Variants in ABR observed in about 807,000 individuals in gnomAD.
ABR encodes the protein ABR activator of RhoGEF and GTPase.
A neutral mutation model predicts 107.2 loss-of-function variants in ABR; 35 were observed. The observed-to-expected ratio is 0.33, with a 90% CI of 0.25 to 0.43. The LOEUF is 0.43. Among genes scored for constraint, ABR ranks in the 20% least tolerant of loss-of-function variants. The pLI is 1.00. For missense variants in ABR, 815 were observed against 1,115.2 expected (o/e 0.73, Z 3.83); for synonymous variants, 498 against 462.0 (o/e 1.08, Z -1.00).
chr17:1,176,869 C>CAAAAAAAAA, intron 1 of ABR, among the ~76,000 whole-genome samples: 1 of 139,190 alleles, frequency 7.2e-6, no homozygotes, highest in Admixed American at 7.1e-5. Flanking sequence ...AAACAAAAAA[C>CAAAAAAAAA]AAAAAAAAAA....
intron 14 of ABR, among the ~76,000 whole-genome samples, chr17:1,054,612 AGG>A (rs1353524721): frequency 7.0e-5 from 2 of 28,448 alleles, no homozygotes; most frequent in East Asian, 3.2e-3. Flanking sequence ...TGGGGGCACA[AGG>A]AACCTCAGGG....
At chr17:1,146,270 C>CACACACACAT in intron 1 of ABR, among the ~76,000 whole-genome samples, 1 of 143,692 alleles carries the variant, frequency 7.0e-6, no homozygotes, top group Non-Finnish European at 1.5e-5. Context: ...GACACACACA[C>CACACACACAT]ACACACACAC....
intron 2 of ABR, among the ~76,000 whole-genome samples, chr17:1,102,252 A>C (rs1037838735): frequency 6.6e-6 from 1 of 152,164 alleles, no homozygotes; most frequent in Admixed American, 6.5e-5. Context: ...CCTGCTGCCT[A>C]AAATGCCATC....
chr17:1,190,361 C>T (rs1407290908), upstream of ABR, among the ~76,000 whole-genome samples: 1 of 152,154 alleles, frequency 6.6e-6, no homozygotes, highest in Non-Finnish European at 1.5e-5. Context: ...AGGCCAGGCA[C>T]GGTGGCTCAC....
chr17:1,217,705 G>GT (rs1361209693), intron 1 of ABR, among the ~76,000 whole-genome samples: 4 of 152,130 alleles, frequency 2.6e-5, no homozygotes, highest in East Asian at 1.9e-4. Context: ...ATTTTGTTTT[G>GT]TTTTTTTGAG....
At chr17:1,187,242 C>G (rs1247795964) in exon 1 of ABR, 1 of 152,596 alleles carries the variant, frequency 6.6e-6, no homozygotes, top group Middle Eastern at 3.4e-3. Context: ...GGAGCCTCTG[C>G]TCTGGGGCTG....
chr17:1,029,272 GA>G, intron 16 of ABR, among the ~76,000 whole-genome samples: 1 of 152,004 alleles, frequency 6.6e-6, no homozygotes, highest in Non-Finnish European at 1.5e-5. Context: ...TTTGGCCCCT[GA>G]ACTCTCCTCC....
chr17:1,021,634 T>A (rs183683964), intron 16 of ABR, among the ~76,000 whole-genome samples: 25 of 150,330 alleles, frequency 1.7e-4, no homozygotes, highest in Non-Finnish European at 2.7e-4. Flanking sequence ...CGAAACCCCG[T>A]CTCTACTAAA....
At chr17:1,113,568 T>G (rs978413900) in intron 2 of ABR, among the ~76,000 whole-genome samples, 1 of 152,062 alleles carries the variant, frequency 6.6e-6, no homozygotes, top group Admixed American at 6.6e-5. Flanking sequence ...ATTACAGGTG[T>G]GAGACACGGC....
intron 16 of ABR, among the ~76,000 whole-genome samples, chr17:1,044,974 TAAG>T (rs2031333643): frequency 1.3e-5 from 2 of 152,190 alleles, no homozygotes; most frequent in Admixed American, 1.3e-4. Flanking sequence ...AAAAGGTGCT[TAAG>T]AAGACTCCAT....
rs115327976 is a variant in ABR at position 1,071,184 on chromosome 17, C to T, written c.895-1094G>A. 5.4e-3 allele frequency among the ~76,000 whole-genome samples: 816 copies of T among 152,136 alleles called. 12 individuals carry two copies. Among genetic ancestry groups the T allele is most frequent in the African/African-American group, 0.019 (778 of 41,508 alleles). On this transcript the variant is annotated intron_variant, in intron 8 of 22. Transcript: ENST00000302538. The surrounding 1 kb of genome is among the most constrained non-coding windows in gnomAD (Gnocchi z 5.1). ...GTCTCAAAAAAAGGATGACTGAAAA[C>T]GGAGGGTACGCTAAGCCCTCTGGAG...
At chr17:1,101,736 T>TC (rs2037881184) in intron 2 of ABR, among the ~76,000 whole-genome samples, 1 of 145,876 alleles carries the variant, frequency 6.9e-6, no homozygotes, top group African/African-American at 2.5e-5. Context: ...TATTTTTTCT[T>TC]TTTTTTTTTT....
intron 4 of ABR, among the ~76,000 whole-genome samples, chr17:1,085,332 G>A (rs1191756976): frequency 7.1e-6 from 1 of 140,424 alleles, no homozygotes; most frequent in Non-Finnish European, 1.5e-5. Flanking sequence ...TAGCCAGGAT[G>A]GTGTCGATCT....
intron 4 of ABR, among the ~76,000 whole-genome samples, chr17:1,083,992 G>C (rs2036431903): frequency 6.6e-6 from 1 of 152,122 alleles, no homozygotes; most frequent in African/African-American, 2.4e-5. Context: ...TCACATCCTG[G>C]AATTAGCCGG....
chr17:1,129,702 A>G lies in ABR; in HGVS notation c.62-4335T>C, dbSNP rs2039744094. On this transcript the variant is annotated intron_variant, in intron 1 of 22. Transcript: ENST00000302538. ...GGTGGCTCACACCTGTAATCCCAGCACTTTGGGAGGCCGAGGCAGGTGGAT... is the reference window on the plus strand; with the variant it reads ...GGTGGCTCACACCTGTAATCCCAGCGCTTTGGGAGGCCGAGGCAGGTGGAT... 2.0e-5 allele frequency among the ~76,000 whole-genome samples: 3 copies of G among 152,216 alleles called. No individual in the cohort carries two copies. In the South Asian group the frequency reaches 6.2e-4, roughly 32 times the overall value.
chr17:1,153,428 CTGCG>C, intron 1 of ABR, among the ~76,000 whole-genome samples: 1 of 147,408 alleles, frequency 6.8e-6, no homozygotes, highest in African/African-American at 2.5e-5. Context: ...CCAGGCACAC[CTGCG>C]GGAGGGCTGG....
chr17:1,005,134 C>T lies in ABR; in HGVS notation c.*946G>A. 1 of 398,828 alleles carries T rather than the reference C, an allele frequency of 2.5e-6. No individual in the cohort carries two copies. Among genetic ancestry groups the T allele is most frequent in the Non-Finnish European group, 4.4e-6 (1 of 226,236 alleles). The allele number at this position is 398,828 out of a possible 1,614,324, so 24.7% of individuals were successfully genotyped here. A position where few individuals can be genotyped will look rare whatever the true frequency, so the allele number is the denominator to read the frequency against. ...CCCCGTTCAGCCTGTGGTGTTTCCT[C>T]AGCAGCCTGACCGCCTCCTCCCCCA... is the stretch of plus-strand genomic sequence containing the variant. On this transcript the variant is annotated 3_prime_UTR_variant, in exon 23 of 23. Transcript: ENST00000302538.
intron 1 of ABR, among the ~76,000 whole-genome samples, chr17:1,175,268 C>T (rs1295875387): frequency 1.3e-5 from 2 of 151,996 alleles, no homozygotes; most frequent in African/African-American, 4.8e-5. Context: ...AAAAATTAGC[C>T]GGGTGTGGTG....
At chr17:1,077,729 C>A (rs2035846184) in intron 6 of ABR, among the ~76,000 whole-genome samples, 1 of 152,170 alleles carries the variant, frequency 6.6e-6, no homozygotes, top group Non-Finnish European at 1.5e-5. Flanking sequence ...CCAAGGAGCT[C>A]CAGGTTACCA....
Sources: gnomAD v4.1 joint callset for allele counts (sites outside exome capture counted in the v4.1 genomes callset) on GRCh38, gnomAD v4.1.1 for gene constraint, Gnocchi (gnomAD v3.1) non-coding constraint, MANE v1.5 for transcripts, NCBI Gene and HGNC (gene_info 2026-07-23, HGNC 2026-07-21) for gene names.